The following FAM169A variants were observed in gnomAD, a reference collection of about 807,000 sequenced individuals.
FAM169A encodes soluble lamin-associated protein of 75 kDa.
In FAM169A, 24 loss-of-function variants were observed where a neutral mutation model predicts 75.7. The ratio of observed to expected loss-of-function variants is 0.32; its 90% CI spans 0.23 to 0.45. The LOEUF (loss-of-function observed/expected upper bound fraction) is 0.45. Among genes scored for constraint, FAM169A ranks in the 20% least tolerant of loss-of-function variants. FAM169A has a pLI of 1.00. For synonymous variants in FAM169A, 271 were observed against 271.0 expected (o/e 1.00, Z 0.00); for missense variants, 673 against 784.0 (o/e 0.86, Z 1.69).
chr5:74,862,945 G>A (rs1750115341), intron 1 of FAM169A, among the ~76,000 whole-genome samples: 1 of 147,704 alleles, frequency 6.8e-6, no homozygotes, highest in African/African-American at 2.5e-5. Context: ...AATGTTTGTG[G>A]AATAAATGAA....
chr5:74,826,393 T>C (rs965326075), intron 5 of FAM169A, among the ~76,000 whole-genome samples: 7 of 152,198 alleles, frequency 4.6e-5, no homozygotes, highest in Non-Finnish European at 1.0e-4. Flanking sequence ...TTGCTGGCAA[T>C]GGACCTCACA....
intron 11 of FAM169A, among the ~76,000 whole-genome samples, chr5:74,785,559 C>T (rs1164021128): frequency 6.6e-6 from 1 of 152,098 alleles, no homozygotes; most frequent in African/African-American, 2.4e-5. Flanking sequence ...GTCCAGAGTT[C>T]AAGACCGGAC....
chr5:74,859,090 T>C (rs1031714903), intron 1 of FAM169A, among the ~76,000 whole-genome samples: 1 of 151,678 alleles, frequency 6.6e-6, no homozygotes, highest in African/African-American at 2.4e-5. Flanking sequence ...AGCACATGCC[T>C]GTAGTCTCAG....
rs1746537247 is a variant in FAM169A at position 74,800,898 on chromosome 5, A to C, written c.1085T>G (p.Leu362Arg). The change falls in exon 10 of 13, where the codon CTT becomes CGT. Residue 362 changes from leucine to arginine, a missense_variant. Leu to Arg is a moderately radical substitution (Grantham distance 102, BLOSUM62 -2). Transcript: ENST00000687041. The part of the protein sequence containing the change: ...GEDEKTSQTS[L>R]TASINKLEST... ...TATTTACTTGTTTATTGAAGCTGTA[A>C]GTGAAGTCTGGGAGGTCTTTTCATC... The C allele has an allele frequency of 6.9e-7, 1 of 1,452,658 alleles. No individual in the cohort carries two copies. Among genetic ancestry groups the C allele is most frequent in the African/African-American group, 1.4e-5 (1 of 69,488 alleles). The allele number at this position is 1,452,658 out of a possible 1,614,324, so 90.0% of individuals were successfully genotyped here. A position where few individuals can be genotyped will look rare whatever the true frequency, so the allele number is the denominator to read the frequency against.
At chr5:74,784,405 G>A (rs1038954428) in intron 11 of FAM169A, among the ~76,000 whole-genome samples, 2 of 150,830 alleles carry the variant, frequency 1.3e-5, no homozygotes, top group African/African-American at 4.9e-5. Context: ...AGCTACTTGG[G>A]AGGCTGAGGC....
intron 11 of FAM169A, among the ~76,000 whole-genome samples, chr5:74,795,517 G>T (rs1346526898): frequency 6.7e-6 from 1 of 150,048 alleles, no homozygotes; most frequent in Non-Finnish European, 1.5e-5. Flanking sequence ...GTTACCAAGG[G>T]TTTATATATT....
chr5:74,855,880 C>A, intron 1 of FAM169A, among the ~76,000 whole-genome samples: 1 of 152,160 alleles, frequency 6.6e-6, no homozygotes, highest in East Asian at 1.9e-4. Flanking sequence ...GGAGAGTTTT[C>A]CCAATGTTTT....
At chr5:74,813,204 T>C (rs994137010) in intron 6 of FAM169A, among the ~76,000 whole-genome samples, 2 of 152,182 alleles carry the variant, frequency 1.3e-5, no homozygotes, top group Non-Finnish European at 1.5e-5. Flanking sequence ...AGGGTTTCTT[T>C]TTGGAGTGAT....
Position 74,841,433 on chromosome 5 carries a change from G to T in FAM169A, c.132+112C>A, listed in dbSNP as rs967772085. Reference sequence around the variant, plus strand: ...ATTTTACTGAATAGATTTCTGTAAAGATTTCAAAAATTAATGATTAACACT... The same window carrying T: ...ATTTTACTGAATAGATTTCTGTAAATATTTCAAAAATTAATGATTAACACT... On this transcript the variant is annotated intron_variant, in intron 2 of 12. Transcript: ENST00000687041. The T allele has an allele frequency of 2.0e-5, 17 of 842,844 alleles. No homozygotes were observed. The East Asian group carries it at 3.0e-4, about 15-fold the overall frequency. The allele number at this position is 842,844 out of a possible 1,614,324, so 52.2% of individuals were successfully genotyped here. A position where few individuals can be genotyped will look rare whatever the true frequency, so the allele number is the denominator to read the frequency against.
intron 5 of FAM169A, among the ~76,000 whole-genome samples, chr5:74,827,855 G>A (rs1480938332): frequency 2.0e-5 from 3 of 151,534 alleles, no homozygotes; most frequent in South Asian, 2.1e-4. Context: ...TTGTACAGAC[G>A]GAGTTTCACC....
chr5:74,845,041 TTATCACAAAAG>T (rs1749078371), intron 1 of FAM169A, among the ~76,000 whole-genome samples: 1 of 152,084 alleles, frequency 6.6e-6, no homozygotes, highest in Non-Finnish European at 1.5e-5. Flanking sequence ...CAAACTTATT[TTATCACAAAAG>T]TATCAGAAGG....
chr5:74,801,546 G>C, intron 9 of FAM169A, 44 bp downstream of exon 9: 2 of 1,465,188 alleles, frequency 1.4e-6, no homozygotes, highest in Non-Finnish European at 1.9e-6. Flanking sequence ...GCCCTAATTT[G>C]AAGTGTCTCA....
Position 74,778,023 on chromosome 5 carries a change from A to C in FAM169A, c.*3437T>G, listed in dbSNP as rs752912563. The C allele has an allele frequency of 2.6e-4, 39 of 152,070 alleles. 1 individual carries two copies. The highest frequency in any genetic ancestry group is 1.6e-4 in the Non-Finnish European group (11 of 67,898). The allele number at this position is 152,070 out of a possible 1,614,324, so 9.4% of individuals were successfully genotyped here. Reference sequence around the variant, plus strand: ...TTTAGCAGATAATTTTACCACTAATATAAATGGGTGATGTGTGGATCACAA... The same window carrying C: ...TTTAGCAGATAATTTTACCACTAATCTAAATGGGTGATGTGTGGATCACAA... On this transcript the variant is annotated 3_prime_UTR_variant, in exon 13 of 13. Transcript: ENST00000687041.
At chr5:74,850,169 G>A (rs994676037) in intron 1 of FAM169A, among the ~76,000 whole-genome samples, 3 of 152,056 alleles carry the variant, frequency 2.0e-5, no homozygotes, top group Admixed American at 6.6e-5. Context: ...TCACTTGGCC[G>A]AAAAGGAAAC....
chr5:74,787,609 C>T (rs1190557076), intron 11 of FAM169A, among the ~76,000 whole-genome samples: 10 of 152,184 alleles, frequency 6.6e-5, no homozygotes, highest in Non-Finnish European at 1.5e-4. Flanking sequence ...CACTCAACTA[C>T]AAAATTTAGA....
rs983791310 is a variant in FAM169A, at chr5:74,786,444, A to C, written c.1261-3310T>G. 4.9e-4 allele frequency among the ~76,000 whole-genome samples: 74 copies of C among 152,182 alleles called. 2 individuals carry two copies. On this transcript the variant is annotated intron_variant, in intron 11 of 12. Transcript: ENST00000687041. ...AAATGCTAAGGACTCTACTTCTAAT[A>C]GTATGGAGAACACTGATAGTCTTTG...
chr5:74,783,070 G>T lies in FAM169A; in HGVS notation c.1325C>A (p.Thr442Lys). The T allele has an allele frequency of 6.2e-7, 1 of 1,613,462 alleles. No individual in the cohort carries two copies. Among genetic ancestry groups the T allele is most frequent in the Non-Finnish European group, 8.5e-7 (1 of 1,179,460 alleles). ...TTCACTAGTGGAGTCTTCCTCTTCT[G>T]TTATAAGTGAGGTCTTAAGAGAATC... Reference protein sequence around the residue: ...MDDSLKTSLITEEEDSTSEVL... With the variant: ...MDDSLKTSLIKEEEDSTSEVL... The change falls in exon 12 of 13, where the codon ACA becomes AAA. Residue 442 changes from threonine to lysine, a missense_variant. By Grantham distance (78) the Thr-to-Lys change is moderately conservative. Coordinates refer to ENST00000687041, the MANE Select transcript of FAM169A (RefSeq NM_001376049.1).
intron 4 of FAM169A, among the ~76,000 whole-genome samples, chr5:74,835,508 G>A (rs1293872277): frequency 6.6e-5 from 10 of 151,356 alleles, no homozygotes; most frequent in Non-Finnish European, 1.5e-5. Context: ...ACGCTAAAGG[G>A]GGAAGATCAC....
intron 10 of FAM169A, chr5:74,799,218 T>G: frequency 7.5e-7 from 1 of 1,341,614 alleles, no homozygotes; most frequent in Non-Finnish European, 1.1e-6. Context: ...CAGACCACAA[T>G]GCCTATGTCT....
Sources: gnomAD v4.1 joint callset for allele counts (sites outside exome capture counted in the v4.1 genomes callset) on GRCh38, gnomAD v4.1.1 for gene constraint, MANE v1.5 for transcripts, NCBI Gene and HGNC (gene_info 2026-07-23, HGNC 2026-07-21) for gene names.